AGBL1: variants seen among roughly 807,000 people sequenced by gnomAD.
AGBL1 encodes AGBL carboxypeptidase 1, also known as cytosolic carboxypeptidase 4.
Under a neutral mutation model 118.9 loss-of-function variants are expected in AGBL1, and 130 were observed. The ratio of observed to expected loss-of-function variants is 1.09; its 90% CI spans 0.95 to 1.26. The LOEUF (loss-of-function observed/expected upper bound fraction) is 1.26. Ranked by LOEUF, AGBL1 falls within the 50% of genes most tolerant of loss-of-function variation. The probability of loss-of-function intolerance (pLI) is 0.00; values close to 1 mark genes in which losing one functional copy is unlikely to be tolerated. For missense variants in AGBL1, 1,584 were observed against 1,298.1 expected (o/e 1.22, Z -3.38); for synonymous variants, 555 against 478.9 (o/e 1.16, Z -2.08).
At chr15:86,249,657 G>A (rs1567154585) in intron 7 of AGBL1, among the ~76,000 whole-genome samples, 1 of 152,094 alleles carries the variant, frequency 6.6e-6, no homozygotes, top group East Asian at 1.9e-4. Flanking sequence ...CATTGCCGAT[G>A]TTTAACAGCC....
At chr15:86,258,590 A>G (rs770230708) in intron 9 of AGBL1, among the ~76,000 whole-genome samples, 1 of 152,252 alleles carries the variant, frequency 6.6e-6, no homozygotes, top group South Asian at 2.1e-4. Context: ...AAAAGGTCCA[A>G]TAGTAATTAT....
chr15:86,171,216 A>C (rs2077410170), intron 5 of AGBL1, among the ~76,000 whole-genome samples: 1 of 152,198 alleles, frequency 6.6e-6, no homozygotes. Flanking sequence ...GGAGCACTAG[A>C]AATGGTAACA....
At chr15:86,368,036 C>G (rs1452076837) in intron 17 of AGBL1, among the ~76,000 whole-genome samples, 1 of 152,028 alleles carries the variant, frequency 6.6e-6, no homozygotes, top group Non-Finnish European at 1.5e-5. Flanking sequence ...GGTTCCCCTC[C>G]CACAAAGAAA....
intron 22 of AGBL1, among the ~76,000 whole-genome samples, chr15:86,707,949 T>G (rs2086482363): frequency 6.6e-6 from 1 of 151,916 alleles, no homozygotes; most frequent in Admixed American, 6.6e-5. Context: ...AGCGGGGAGG[T>G]CCAACACAGA....
chr15:86,828,335 A>ATC (rs2079060165), intron 22 of AGBL1, among the ~76,000 whole-genome samples: 1 of 152,116 alleles, frequency 6.6e-6, no homozygotes, highest in Admixed American at 6.6e-5. Flanking sequence ...AATCTCAGAA[A>ATC]TCTATAAATT....
rs367973838 is a variant in AGBL1 at position 86,161,051 on chromosome 15, C to G, written c.488+2025C>G. On this transcript the variant is annotated intron_variant, in intron 5 of 22. Coordinates refer to ENST00000614907, the MANE Select transcript of AGBL1 (RefSeq NM_001386094.1). ...CTGCAAAGGGAGTTGAATTCAGGCACAGATCTGATCAAAGTGTCAGAGGCA... is the reference window on the plus strand; with the variant it reads ...CTGCAAAGGGAGTTGAATTCAGGCAGAGATCTGATCAAAGTGTCAGAGGCA... Among the ~76,000 whole-genome samples, 7 of 152,304 alleles carry G rather than the reference C, an allele frequency of 4.6e-5. No homozygotes were observed. In the East Asian group the frequency reaches 9.6e-4, roughly 21 times the overall value.
intron 5 of AGBL1, among the ~76,000 whole-genome samples, chr15:86,162,181 A>G (rs1429590687): frequency 3.3e-5 from 5 of 152,134 alleles, no homozygotes; most frequent in Non-Finnish European, 7.3e-5. Flanking sequence ...TGTGGGCTCA[A>G]GGGGGGTCTT....
intron 5 of AGBL1, among the ~76,000 whole-genome samples, chr15:86,198,666 C>T (rs1374630123): frequency 6.6e-6 from 1 of 151,808 alleles, no homozygotes; most frequent in East Asian, 1.9e-4. Context: ...AAGATTTTCT[C>T]TCTCTCTCTC....
At chr15:86,483,169 CA>C (rs1316649922) in intron 18 of AGBL1, among the ~76,000 whole-genome samples, 1 of 152,058 alleles carries the variant, frequency 6.6e-6, no homozygotes, top group Non-Finnish European at 1.5e-5. Flanking sequence ...GCGGCATTGG[CA>C]TGATCTGAGG....
chr15:86,565,297 A>G (rs1016462661), intron 21 of AGBL1, among the ~76,000 whole-genome samples: 1 of 152,236 alleles, frequency 6.6e-6, no homozygotes, highest in Non-Finnish European at 1.5e-5. Flanking sequence ...GGTGACGTAC[A>G]GATGGGGTTT....
intron 17 of AGBL1, among the ~76,000 whole-genome samples, chr15:86,343,657 A>G (rs2080494820): frequency 6.6e-6 from 1 of 152,200 alleles, no homozygotes; most frequent in Non-Finnish European, 1.5e-5. Context: ...TGGAAGAACA[A>G]ATATTGGGAG....
intron 1 of AGBL1, among the ~76,000 whole-genome samples, chr15:86,087,762 G>A (rs1895760551): frequency 6.6e-6 from 1 of 152,216 alleles, no homozygotes; most frequent in Admixed American, 6.5e-5. Context: ...TGGAATTTGA[G>A]CAGAGGGAAT....
intron 2 of AGBL1, 83 bp downstream of exon 2, chr15:86,142,150 T>A: frequency 7.2e-7 from 1 of 1,398,464 alleles, no homozygotes; most frequent in Non-Finnish European, 9.8e-7. Context: ...CTCTGTGACC[T>A]GGGGGTTTGC....
intron 22 of AGBL1, among the ~76,000 whole-genome samples, chr15:86,769,202 G>A (rs113469019): frequency 2.1e-5 from 3 of 143,546 alleles, no homozygotes; most frequent in African/African-American, 5.2e-5. Flanking sequence ...AGAGAAAGAG[G>A]GAGAGAGAGA....
rs569968115 is a variant in AGBL1 at position 86,726,655 on chromosome 15, G to A, written c.3158+52219G>A. ...CTACTTACTGCAGCCTCAACCTCCT[G>A]GGCTCAAGCAATCCTTCTACCTCAG... On this transcript the variant is annotated intron_variant, in intron 22 of 22. Coordinates refer to ENST00000614907, the MANE Select transcript of AGBL1 (RefSeq NM_001386094.1). Among the ~76,000 whole-genome samples, 4 of 152,220 alleles carry A rather than the reference G, an allele frequency of 2.6e-5. No homozygotes were observed. In the South Asian group the frequency reaches 8.3e-4, roughly 32 times the overall value.
At chr15:86,341,026 G>A (rs569445579) in intron 17 of AGBL1, among the ~76,000 whole-genome samples, 50 of 152,288 alleles carry the variant, frequency 3.3e-4, no homozygotes, top group Middle Eastern at 6.8e-3. Flanking sequence ...AGCAGGGCTA[G>A]GCTTCTCATT....
intron 21 of AGBL1, among the ~76,000 whole-genome samples, chr15:86,577,821 CACAGAAG>C (rs1294261680): frequency 9.9e-6 from 1 of 100,762 alleles, no homozygotes; most frequent in African/African-American, 4.1e-5. Flanking sequence ...CCTGTGAGTG[CACAGAAG>C]TCAAGAACTG....
chr15:86,977,943 G>A (rs1036135841), intron 23 of AGBL1, among the ~76,000 whole-genome samples: 1 of 151,924 alleles, frequency 6.6e-6, no homozygotes, highest in African/African-American at 2.4e-5. Context: ...GAATTACTAA[G>A]GATATTTAAA....
At chr15:86,670,600 G>GACACACAAACACACACAC (rs1555436004) in intron 21 of AGBL1, among the ~76,000 whole-genome samples, 1 of 133,226 alleles carries the variant, frequency 7.5e-6, no homozygotes, top group Non-Finnish European at 1.6e-5. Flanking sequence ...GTGAAACTCT[G>GACACACAAACACACACAC]ACACACACAC....
Sources: gnomAD v4.1 joint callset for allele counts (sites outside exome capture counted in the v4.1 genomes callset) on GRCh38, gnomAD v4.1.1 for gene constraint, MANE v1.5 for transcripts, NCBI Gene and HGNC (gene_info 2026-07-23, HGNC 2026-07-21) for gene names.